CCDC40: variants seen among roughly 807,000 people sequenced by gnomAD.
CCDC40 encodes the protein coiled-coil domain-containing protein 40.
In CCDC40, 104 loss-of-function variants were observed where a neutral mutation model predicts 124.5. That is an observed-to-expected ratio of 0.84 (90% CI 0.71 to 0.98). CCDC40 has a LOEUF of 0.98. Among genes scored for constraint, CCDC40 ranks in the 50% least tolerant of loss-of-function variants. CCDC40 has a pLI of 0.00. For missense variants in CCDC40, 1,463 were observed against 1,503.9 expected (o/e 0.97, Z 0.45); for synonymous variants, 580 against 602.9 (o/e 0.96, Z 0.56).
rs74000393 is a variant in CCDC40, at chr17:80,100,040, C to T, written c.*265C>T. 6.4e-3 allele frequency: 3,276 copies of T among 515,692 alleles called. 90 individuals carry two copies. Among genetic ancestry groups the T allele is most frequent in the African/African-American group, 0.057 (2,986 of 52,088 alleles). 31.9% of individuals were successfully genotyped at this position (515,692 alleles called of 1,614,324 possible). ...CTGCAGACCCACACACCCACACTCC[C>T]ACACTGGGCTTACTCGTCCAGGTAA... is the stretch of plus-strand genomic sequence containing the variant. On this transcript the variant is annotated 3_prime_UTR_variant, in exon 20 of 20. Transcript: ENST00000397545.
chr17:80,092,983 A>G (rs2038747953), intron 17 of CCDC40, among the ~76,000 whole-genome samples: 1 of 152,146 alleles, frequency 6.6e-6, no homozygotes, highest in Non-Finnish European at 1.5e-5. Context: ...TTGGATGTCC[A>G]CTGGAGTCAG....
intron 3 of CCDC40, among the ~76,000 whole-genome samples, chr17:80,043,613 TTTTTTTTTTTTTG>T (rs1469254691): frequency 6.6e-6 from 1 of 150,588 alleles, no homozygotes; most frequent in Non-Finnish European, 1.5e-5. Context: ...TCCTTTTTTT[TTTTTTTTTTTTTG>T]AAACAGAGTC....
At position 80,058,433 on chromosome 17, in the gene CCDC40, G is replaced by A; in HGVS notation, c.1160-61G>A. 1 of 1,524,980 alleles carries A rather than the reference G, an allele frequency of 6.6e-7. No individual in the cohort carries two copies. Among genetic ancestry groups the A allele is most frequent in the South Asian group, 1.1e-5 (1 of 89,086 alleles). The allele number at this position is 1,524,980 out of a possible 1,614,324, so 94.5% of individuals were successfully genotyped here. A position where few individuals can be genotyped will look rare whatever the true frequency, so the allele number is the denominator to read the frequency against. ...GCTTCCTCCTGGGTCTCTGCATGGGGGACGCTGGGACAGCCTCCCCACTCA... is the reference window on the plus strand; with the variant it reads ...GCTTCCTCCTGGGTCTCTGCATGGGAGACGCTGGGACAGCCTCCCCACTCA... On this transcript the variant is annotated intron_variant, in intron 7 of 19. Transcript: ENST00000397545. The surrounding 1 kb of genome is among the most constrained non-coding windows in gnomAD (Gnocchi z 4.2).
chr17:80,055,340 A>G (rs1191329091), intron 7 of CCDC40, among the ~76,000 whole-genome samples: 1 of 152,236 alleles, frequency 6.6e-6, no homozygotes, highest in Admixed American at 6.5e-5. Context: ...TAAGAAATCA[A>G]TAAAGTAGCT....
intron 18 of CCDC40, 56 bp downstream of exon 18, chr17:80,095,507 A>C: frequency 6.4e-7 from 1 of 1,562,928 alleles, no homozygotes; most frequent in Non-Finnish European, 8.8e-7. Flanking sequence ...GGATTCAAGG[A>C]ACACTCCAGG....
At chr17:80,043,383 C>T (rs748362029) in intron 3 of CCDC40, among the ~76,000 whole-genome samples, 1 of 152,138 alleles carries the variant, frequency 6.6e-6, no homozygotes, top group Non-Finnish European at 1.5e-5. Context: ...TCCCCAGGAC[C>T]TCTCAGCGGC....
chr17:80,066,348 C>A lies in CCDC40; in HGVS notation c.1562+742C>A. On this transcript the variant is annotated intron_variant, in intron 10 of 19. Transcript: ENST00000397545. The surrounding 1 kb of genome is among the most constrained non-coding windows in gnomAD (Gnocchi z 4.4). ...AGCCAGGCAGCCAGCAGCAGTCACA[C>A]AACCAGGAGATGCTTTTCCTTTTGG... 1.7e-6 allele frequency: 1 copy of A among 582,494 alleles called. No homozygotes were observed. The highest frequency in any genetic ancestry group is 2.1e-5 in the South Asian group (1 of 47,212). The allele number at this position is 582,494 out of a possible 1,614,324, so 36.1% of individuals were successfully genotyped here. A position where few individuals can be genotyped will look rare whatever the true frequency, so the allele number is the denominator to read the frequency against.
At chr17:80,041,870 G>C (rs924868505) in intron 3 of CCDC40, among the ~76,000 whole-genome samples, 10 of 152,124 alleles carry the variant, frequency 6.6e-5, no homozygotes, top group African/African-American at 2.4e-4. Flanking sequence ...CATTCCTGAT[G>C]ATGTTCACTT....
chr17:80,049,372 G>T (rs144104476), intron 5 of CCDC40, among the ~76,000 whole-genome samples: 2,095 of 147,564 alleles, frequency 0.014, 49 homozygotes, highest in African/African-American at 0.05. Flanking sequence ...TGGCACCAGT[G>T]CACTCCAGCC....
At chr17:80,093,113 T>C (rs1598551182) in intron 17 of CCDC40, among the ~76,000 whole-genome samples, 2 of 152,378 alleles carry the variant, frequency 1.3e-5, no homozygotes, top group Admixed American at 1.3e-4. Flanking sequence ...TACTGATTTC[T>C]GTTTCTGTCC....
chr17:80,057,664 T>C (rs370425471), intron 7 of CCDC40, among the ~76,000 whole-genome samples: 122 of 151,892 alleles, frequency 8.0e-4, no homozygotes, highest in African/African-American at 2.5e-3. Context: ...ATCAGGAGGT[T>C]AGGAGATGGA....
chr17:80,091,567 C>T (rs2038725596), intron 17 of CCDC40, among the ~76,000 whole-genome samples: 1 of 137,594 alleles, frequency 7.3e-6, no homozygotes, highest in South Asian at 2.6e-4. Context: ...CTCCTCAGGC[C>T]CTCAACAGAT....
intron 18 of CCDC40, among the ~76,000 whole-genome samples, chr17:80,095,792 G>A (rs1421470346): frequency 6.6e-6 from 1 of 152,254 alleles, no homozygotes; most frequent in Non-Finnish European, 1.5e-5. Flanking sequence ...CCCAGAGACG[G>A]CCGTGTTTCA....
At chr17:80,090,136 C>A in intron 17 of CCDC40, 2 of 1,536,186 alleles carry the variant, frequency 1.3e-6, no homozygotes, top group South Asian at 1.2e-5. Flanking sequence ...TTTTAATGTG[C>A]AGAAATATTG....
At chr17:80,044,733 A>ATC (rs1568671748) in intron 3 of CCDC40, among the ~76,000 whole-genome samples, 64 of 145,542 alleles carry the variant, frequency 4.4e-4, no homozygotes, top group African/African-American at 1.7e-3. Flanking sequence ...ATATATATAT[A>ATC]TATATCTCAA....
intron 17 of CCDC40, chr17:80,090,879 T>C: frequency 1.0e-6 from 1 of 957,962 alleles, no homozygotes; most frequent in Non-Finnish European, 1.3e-6. Context: ...AATAAGATGT[T>C]GTGTTTAAAA....
intron 19 of CCDC40, 113 bp from the exon 20 acceptor site, chr17:80,099,414 G>A: frequency 7.9e-7 from 1 of 1,264,188 alleles, no homozygotes; most frequent in Non-Finnish European, 1.1e-6. Flanking sequence ...CCCTTTTCAG[G>A]CGTAGGTCTC....
rs941240616 is a variant in CCDC40, at chr17:80,050,113, A to C, written c.989A>C (p.Asn330Thr). ...GCCCAGCGGCAGGAGCTGGGGGTGA[A>C]TCTCTATGAGGTGCAGCAGCACCTG... is the stretch of plus-strand genomic sequence containing the variant. Reference protein sequence around the residue: ...SRAQRQELGVNLYEVQQHLVH... With the variant: ...SRAQRQELGVTLYEVQQHLVH... The change falls in exon 7 of 20, where the codon AAT becomes ACT. Residue 330 changes from asparagine (N) to threonine (T), a missense_variant. Asn to Thr is a moderately conservative substitution (Grantham distance 65, BLOSUM62 0). Transcript: ENST00000397545. The C allele has an allele frequency of 1.9e-5, 30 of 1,613,850 alleles. No individual in the cohort carries two copies. Among genetic ancestry groups the C allele is most frequent in the Non-Finnish European group, 2.5e-5 (29 of 1,180,002 alleles).
chr17:80,040,503 ATCCTGTC>A, intron 3 of CCDC40: 1 of 545,230 alleles, frequency 1.8e-6, no homozygotes, highest in East Asian at 3.2e-5. Context: ...ACGTGGTGAA[ATCCTGTC>A]TCTACTAAAT....
Sources: allele counts gnomAD v4.1 joint callset (sites outside exome capture counted in the v4.1 genomes callset), GRCh38; gene constraint gnomAD v4.1.1; non-coding constraint Gnocchi (gnomAD v3.1); transcripts MANE v1.5; gene names NCBI Gene and HGNC (gene_info 2026-07-23, HGNC 2026-07-21).